Variants in ASAP1 observed in about 807,000 individuals in gnomAD.
ASAP1 encodes the protein arf-GAP with SH3 domain, ANK repeat and PH domain-containing protein 1.
A neutral mutation model predicts 145.2 loss-of-function variants in ASAP1; 43 were observed. The observed-to-expected ratio is 0.30, with a 90% confidence interval of 0.23 to 0.38. The LOEUF (loss-of-function observed/expected upper bound fraction) is 0.38, where lower values mean the gene tolerates loss of function less well. ASAP1 is among the 10% of genes least tolerant of loss of function. The pLI is 1.00. For missense variants in ASAP1, 1,018 were observed against 1,355.3 expected, an observed-to-expected ratio of 0.75 and a Z score of 3.91; for synonymous variants, 546 against 515.5, an observed-to-expected ratio of 1.06 and a Z score of -0.80.
At chr8:130,281,349 A>G (rs1329479057) in intron 3 of ASAP1, among the ~76,000 whole-genome samples, 2 of 152,224 alleles carry the variant, frequency 1.3e-5, no homozygotes. Flanking sequence ...TCTATGGTCA[A>G]TGACATCATT....
At chr8:130,274,110 C>A (rs540542868) in intron 3 of ASAP1, among the ~76,000 whole-genome samples, 1 of 152,332 alleles carries the variant, frequency 6.6e-6, no homozygotes, top group South Asian at 2.1e-4. Flanking sequence ...CTATGACTCA[C>A]AATACCTTAT....
At chr8:130,324,544 A>C (rs1372691495) in intron 3 of ASAP1, among the ~76,000 whole-genome samples, 1 of 152,232 alleles carries the variant, frequency 6.6e-6, no homozygotes, top group Non-Finnish European at 1.5e-5. Context: ...ACTTAGAAAA[A>C]GGACATCAAA....
In ASAP1 at chr8:130,358,912, G is replaced by C. The variant is rs1283932388; in HGVS notation, c.60-769C>G. 6.6e-6 allele frequency among the ~76,000 whole-genome samples: 1 copy of C among 152,050 alleles called. No individual in the cohort carries two copies. Among genetic ancestry groups the C allele is most frequent in the Non-Finnish European group, 1.5e-5 (1 of 67,984 alleles). ...TTGCGCGAGCGTTTTGCAAGAAGGG[G>C]GCCCAAAAAAGTTGTACGTGTTCTT... On this transcript the variant is annotated intron_variant, in intron 2 of 29. Coordinates refer to ENST00000518721, the MANE Select transcript of ASAP1 (RefSeq NM_018482.4). This position sits in a 1 kb window ranked among gnomAD's most constrained non-coding sequence, Gnocchi z 4.1.
At chr8:130,403,156 T>C (rs1184150462) in intron 1 of ASAP1, among the ~76,000 whole-genome samples, 1 of 152,112 alleles carries the variant, frequency 6.6e-6, no homozygotes, top group African/African-American at 2.4e-5. Context: ...ATAAGGTCTT[T>C]GGAAAAAAAT....
At chr8:130,306,346 T>C (rs1822990961) in intron 3 of ASAP1, among the ~76,000 whole-genome samples, 1 of 152,244 alleles carries the variant, frequency 6.6e-6, no homozygotes, top group Middle Eastern at 3.2e-3. Context: ...TAAATGCACA[T>C]AAGTGACTTC....
intron 1 of ASAP1, among the ~76,000 whole-genome samples, chr8:130,436,696 G>C (rs1238888419): frequency 6.6e-6 from 1 of 152,198 alleles, no homozygotes; most frequent in Non-Finnish European, 1.5e-5. Context: ...CAGCAACTTG[G>C]GAGGCTGAGG....
chr8:130,382,564 T>A lies in ASAP1; in HGVS notation c.59+19321A>T, dbSNP rs575304282. 1.4e-4 allele frequency among the ~76,000 whole-genome samples: 21 copies of A among 152,212 alleles called. No homozygotes were observed. In the South Asian group the frequency reaches 4.4e-3, roughly 32 times the overall value. ...CCCAGCACGCAGTGCTACCACCCAA[T>A]AGATGCTTGTTCAAAAATGGAAAAT... On this transcript the variant is annotated intron_variant, in intron 2 of 29. Transcript: ENST00000518721.
At chr8:130,259,018 T>TTA (rs1215945930) in intron 3 of ASAP1, among the ~76,000 whole-genome samples, 1 of 152,134 alleles carries the variant, frequency 6.6e-6, no homozygotes, top group African/African-American at 2.4e-5. Flanking sequence ...TTGCTTATGG[T>TTA]ATTTTAATTT....
chr8:130,098,287 T>C (rs2097522582), intron 24 of ASAP1, among the ~76,000 whole-genome samples: 1 of 152,144 alleles, frequency 6.6e-6, no homozygotes, highest in Non-Finnish European at 1.5e-5. Flanking sequence ...TCACATCCTT[T>C]CCGGCTAGAA....
intron 2 of ASAP1, among the ~76,000 whole-genome samples, chr8:130,398,926 T>C (rs2138546425): frequency 6.6e-6 from 1 of 152,366 alleles, no homozygotes; most frequent in East Asian, 1.9e-4. Context: ...ATATCTGCTC[T>C]CTTCTTCTAT....
chr8:130,165,674 C>T (rs2097678532), intron 11 of ASAP1, among the ~76,000 whole-genome samples: 1 of 152,204 alleles, frequency 6.6e-6, no homozygotes. Context: ...TGTTCCTGGC[C>T]ACTCTGCCTA....
intron 2 of ASAP1, among the ~76,000 whole-genome samples, chr8:130,399,803 A>G (rs1322706264): frequency 6.6e-6 from 1 of 150,662 alleles, no homozygotes; most frequent in African/African-American, 2.5e-5. Context: ...AGAAACAGAG[A>G]AAGTCAGTGT....
chr8:130,345,664 A>G (rs1034436742), intron 3 of ASAP1, among the ~76,000 whole-genome samples: 2 of 152,220 alleles, frequency 1.3e-5, no homozygotes, highest in African/African-American at 4.8e-5. Context: ...CAGCCTATGT[A>G]AAGTACTCAG....
At position 130,326,529 on chromosome 8, in the gene ASAP1, T is replaced by C. The variant is rs539985838; in HGVS notation, c.186+31488A>G. 2.0e-5 allele frequency among the ~76,000 whole-genome samples: 3 copies of C among 152,370 alleles called. No individual in the cohort carries two copies. The South Asian group carries it at 6.2e-4, about 32-fold the overall frequency. On this transcript the variant is annotated intron_variant, in intron 3 of 29. Transcript: ENST00000518721. The stretch of plus-strand genomic sequence containing the variant: ...GGAATGGTAGTTGGTGCAACACTGC[T>C]GAACTCCTGTTGCAACAACTTTCAT...
rs192361193 is a variant in ASAP1, at chr8:130,391,991, G to C, written c.59+9894C>G. On this transcript the variant is annotated intron_variant, in intron 2 of 29. Transcript: ENST00000518721. ...CTTTATTTTTGCAAAGTTGTGCAGGGGGAGCCAGACCTGGGAGCGCCTAAT... is the reference window on the plus strand; with the variant it reads ...CTTTATTTTTGCAAAGTTGTGCAGGCGGAGCCAGACCTGGGAGCGCCTAAT... Among the ~76,000 whole-genome samples, 111 of 152,310 alleles carry C rather than the reference G, an allele frequency of 7.3e-4. 1 individual carries two copies. Among genetic ancestry groups the C allele is most frequent in the Non-Finnish European group, 7.5e-4 (51 of 68,028 alleles).
At chr8:130,265,976 G>A (rs1205408979) in intron 3 of ASAP1, among the ~76,000 whole-genome samples, 1 of 152,340 alleles carries the variant, frequency 6.6e-6, no homozygotes, top group South Asian at 2.1e-4. Context: ...TAAGCAGTAA[G>A]CATGTGAGGT....
At chr8:130,285,450 T>A (rs17285138) in intron 3 of ASAP1, among the ~76,000 whole-genome samples, 45,310 of 152,028 alleles carry the variant, frequency 0.3, 7,639 homozygotes, top group East Asian at 0.59. Context: ...CTAGAAAAAA[T>A]TTTATGGTCT....
At chr8:130,093,686 A>AAAAAAAAAAAAAAAAAAAAAAAAAAAAAG (rs767063471) in intron 24 of ASAP1, among the ~76,000 whole-genome samples, 4 of 131,982 alleles carry the variant, frequency 3.0e-5, no homozygotes, top group African/African-American at 9.8e-5. Context: ...AAAAAAAAAA[A>AAAAAAAAAAAAAAAAAAAAAAAAAAAAAG]AAAGAAAGCT....
chr8:130,433,213 A>G (rs940478286), intron 1 of ASAP1, among the ~76,000 whole-genome samples: 1 of 152,258 alleles, frequency 6.6e-6, no homozygotes, highest in South Asian at 2.1e-4. Flanking sequence ...CATTTCAGAC[A>G]GAAGCCCCAA....
Sources: gnomAD v4.1 joint callset for allele counts (sites outside exome capture counted in the v4.1 genomes callset) on GRCh38, gnomAD v4.1.1 for gene constraint, Gnocchi (gnomAD v3.1) non-coding constraint, MANE v1.5 for transcripts, NCBI Gene and HGNC (gene_info 2026-07-23, HGNC 2026-07-21) for gene names.